The following CSMD1 variants were observed in gnomAD, a reference collection of about 807,000 sequenced individuals.
The protein encoded by CSMD1 is CUB and sushi domain-containing protein 1.
In CSMD1, 213 loss-of-function variants were observed where a neutral mutation model predicts 417.5. The ratio of observed to expected loss-of-function variants is 0.51; its 90% CI spans 0.46 to 0.57. The LOEUF is 0.57. Among genes scored for constraint, CSMD1 ranks in the 20% least tolerant of loss-of-function variants. The pLI, the probability that CSMD1 is intolerant of heterozygous loss-of-function variation, is 0.00. For missense variants in CSMD1, 6,923 were observed against 4,529.7 expected, an observed-to-expected ratio of 1.53 and a Z score of -15.17; for synonymous variants, 2,862 against 1,736.8, an observed-to-expected ratio of 1.65 and a Z score of -16.11.
At chr8:4,896,613 G>C (rs1401718730) in intron 1 of CSMD1, among the ~76,000 whole-genome samples, 1 of 151,972 alleles carries the variant, frequency 6.6e-6, no homozygotes, top group Non-Finnish European at 1.5e-5. Flanking sequence ...TCCATTCTGA[G>C]TCCCAGTGGA....
chr8:3,471,613 C>G (rs149468601), intron 11 of CSMD1, among the ~76,000 whole-genome samples: 1 of 142,814 alleles, frequency 7.0e-6, no homozygotes, highest in African/African-American at 2.6e-5. Flanking sequence ...TTCCTCTCTC[C>G]TTCCTTCCCT....
chr8:4,486,137 A>ATATACGCACACG (rs1563223536), intron 2 of CSMD1, among the ~76,000 whole-genome samples: 5 of 29,412 alleles, frequency 1.7e-4, no homozygotes, highest in African/African-American at 4.3e-4. Flanking sequence ...ATATATATAT[A>ATATACGCACACG]CATACATATA....
intron 3 of CSMD1, among the ~76,000 whole-genome samples, chr8:4,154,384 A>T (rs977944727): frequency 6.6e-5 from 10 of 152,234 alleles, no homozygotes; most frequent in Non-Finnish European, 1.3e-4. Context: ...ATATATCTCT[A>T]ATCTATTGTA....
chr8:4,081,904 C>T (rs947921228), intron 3 of CSMD1, among the ~76,000 whole-genome samples: 1 of 152,084 alleles, frequency 6.6e-6, no homozygotes, highest in East Asian at 1.9e-4. Flanking sequence ...CAGTAGTGCT[C>T]ATGGGGGAGT....
intron 2 of CSMD1, among the ~76,000 whole-genome samples, chr8:4,636,077 T>C (rs1322678600): frequency 6.6e-6 from 1 of 152,088 alleles, no homozygotes; most frequent in Non-Finnish European, 1.5e-5. Flanking sequence ...ATAAACTAGA[T>C]GTACACATAA....
At chr8:3,377,626 A>G (rs1810393386) in intron 18 of CSMD1, among the ~76,000 whole-genome samples, 1 of 152,002 alleles carries the variant, frequency 6.6e-6, no homozygotes, top group South Asian at 2.1e-4. Flanking sequence ...TTTCCATTAA[A>G]CCTACTTTGC....
chr8:4,285,913 C>T (rs1213154275), intron 3 of CSMD1, among the ~76,000 whole-genome samples: 3 of 152,006 alleles, frequency 2.0e-5, no homozygotes, highest in African/African-American at 7.3e-5. Context: ...TTTTAAATAC[C>T]ATCTGCACAA....
Position 4,399,908 on chromosome 8 carries a change from G to C in CSMD1, c.415+20045C>G, listed in dbSNP as rs551704651. Reference sequence around the variant, plus strand: ...ATATCATCATTTTAAGCTCTCATGAGAAGTAAAAGGTTGGCTTTTTTCTCC... The same window carrying C: ...ATATCATCATTTTAAGCTCTCATGACAAGTAAAAGGTTGGCTTTTTTCTCC... On this transcript the variant is annotated intron_variant, in intron 3 of 69. Coordinates refer to ENST00000635120, the MANE Select transcript of CSMD1 (RefSeq NM_033225.6). 5.9e-5 allele frequency among the ~76,000 whole-genome samples: 9 copies of C among 152,270 alleles called. No homozygotes were observed. The East Asian group carries it at 1.7e-3, about 29-fold the overall frequency.
At chr8:3,748,261 A>G (rs565581894) in intron 6 of CSMD1, among the ~76,000 whole-genome samples, 3 of 152,198 alleles carry the variant, frequency 2.0e-5, no homozygotes, top group Admixed American at 6.5e-5. Flanking sequence ...ATTTTTTTTC[A>G]TGGAGGTTTA....
intron 4 of CSMD1, among the ~76,000 whole-genome samples, chr8:4,010,035 C>T (rs777387040): frequency 6.6e-6 from 1 of 152,196 alleles, no homozygotes; most frequent in Non-Finnish European, 1.5e-5. Context: ...CCTACTACTT[C>T]CTCGAAAACT....
intron 23 of CSMD1, among the ~76,000 whole-genome samples, chr8:3,334,308 C>G (rs1807101148): frequency 1.3e-5 from 2 of 152,202 alleles, no homozygotes; most frequent in Non-Finnish European, 2.9e-5. Context: ...TTGCATTCAG[C>G]AGCTGTGTAC....
At chr8:3,661,738 T>A (rs148825151) in intron 7 of CSMD1, among the ~76,000 whole-genome samples, 1 of 152,062 alleles carries the variant, frequency 6.6e-6, no homozygotes, top group Non-Finnish European at 1.5e-5. Context: ...CTCAAGTGAT[T>A]CACCCGCCCT....
At chr8:4,377,177 G>T (rs1342237041) in intron 3 of CSMD1, among the ~76,000 whole-genome samples, 2 of 152,048 alleles carry the variant, frequency 1.3e-5, no homozygotes, top group Admixed American at 6.5e-5. Flanking sequence ...ATAGTGCATG[G>T]AATTGATTAC....
intron 5 of CSMD1, among the ~76,000 whole-genome samples, chr8:3,804,467 G>T (rs935840240): frequency 6.6e-6 from 1 of 152,038 alleles, no homozygotes; most frequent in Non-Finnish European, 1.5e-5. Context: ...TACTATAATG[G>T]ACTATGGAAT....
At chr8:4,137,440 A>T (rs1156425326) in intron 3 of CSMD1, among the ~76,000 whole-genome samples, 1 of 84,418 alleles carries the variant, frequency 1.2e-5, no homozygotes, top group East Asian at 2.4e-4. Flanking sequence ...AATTAAATAT[A>T]TTGTCAAAAT....
chr8:4,107,687 A>T (rs1801638765), intron 3 of CSMD1, among the ~76,000 whole-genome samples: 1 of 152,154 alleles, frequency 6.6e-6, no homozygotes. Context: ...GTCCAACATG[A>T]CAGGGAACCG....
chr8:4,750,452 A>C (rs962481610), intron 1 of CSMD1, among the ~76,000 whole-genome samples: 2 of 152,198 alleles, frequency 1.3e-5, no homozygotes, highest in Non-Finnish European at 2.9e-5. Context: ...CCTTGGATTA[A>C]ATAATATCTA....
intron 1 of CSMD1, among the ~76,000 whole-genome samples, chr8:4,670,134 G>T (rs1224407248): frequency 6.6e-6 from 1 of 152,146 alleles, no homozygotes; most frequent in African/African-American, 2.4e-5. Context: ...GGTAGGGTTA[G>T]AAATATAGTT....
chr8:3,219,145 A>G (rs28377033), intron 29 of CSMD1, 110 bp downstream of exon 29: 218,855 of 819,178 alleles, frequency 0.27, 30,098 homozygotes, highest in African/African-American at 0.33. Context: ...GGAGACACAT[A>G]TCAGCATTTA....
Sources: gnomAD v4.1 joint callset for allele counts (sites outside exome capture counted in the v4.1 genomes callset) on GRCh38, gnomAD v4.1.1 for gene constraint, MANE v1.5 for transcripts, NCBI Gene and HGNC (gene_info 2026-07-23, HGNC 2026-07-21) for gene names.